Variants in RNF213 observed in about 807,000 individuals in gnomAD.
RNF213 encodes the protein E3 ubiquitin-protein ligase RNF213.
A neutral mutation model predicts 514.4 loss-of-function variants in RNF213; 341 were observed. The ratio of observed to expected loss-of-function variants is 0.66; its 90% CI spans 0.61 to 0.73. The LOEUF is 0.73. Ranked by LOEUF, RNF213 falls within the 30% of genes least tolerant of loss-of-function variation. The pLI, the probability that RNF213 is intolerant of heterozygous loss-of-function variation, is 0.00. For synonymous variants in RNF213, 2,655 were observed against 2,658.2 expected (o/e 1.00, Z 0.04); for missense variants, 5,767 against 6,615.6 (o/e 0.87, Z 4.45).
rs983186990 is a variant in RNF213, at chr17:80,394,112, A to C, written c.*614A>C. ...TCACAGTGAGCCACTGCCCCACTTC[A>C]GAGGGTAAGAGCCAAAAGCCTCATT... On this transcript the variant is annotated 3_prime_UTR_variant, in exon 68 of 68. Coordinates refer to ENST00000582970, the MANE Select transcript of RNF213 (RefSeq NM_001256071.3). 2.6e-5 allele frequency: 4 copies of C among 154,168 alleles called. No individual in the cohort carries two copies. The highest frequency in any genetic ancestry group is 9.6e-5 in the African/African-American group (4 of 41,458). The allele number at this position is 154,168 out of a possible 1,614,324, so 9.6% of individuals were successfully genotyped here.
chr17:80,313,047 T>G lies in RNF213; in HGVS notation c.2691T>G (p.Asn897Lys). Residue 897 changes from asparagine (N) to lysine (K), a missense_variant, in exon 15 of 68, where the codon AAT (asparagine) becomes AAG (lysine). Asn to Lys is a moderately conservative substitution (Grantham distance 94). Coordinates refer to ENST00000582970, the MANE Select transcript of RNF213 (RefSeq NM_001256071.3). ...GACAGAGAGATGAAACTGGAAATAA[T>G]TCAGTCCAAACAGTCTTCCAAGGGA... is the stretch of plus-strand genomic sequence containing the variant. ...SAGQRDETGNNSVQTVFQGTL... is the reference protein window; with the variant it reads ...SAGQRDETGNKSVQTVFQGTL... 6.2e-7 allele frequency: 1 copy of G among 1,613,982 alleles called. No homozygotes were observed.
intron 21 of RNF213, among the ~76,000 whole-genome samples, chr17:80,333,149 C>T (rs1438865364): frequency 2.0e-5 from 3 of 151,352 alleles, no homozygotes; most frequent in Non-Finnish European, 4.4e-5. Context: ...CCCAGGTTCA[C>T]GCCATTCTCC....
chr17:80,318,282 G>T (rs59301720), intron 16 of RNF213, among the ~76,000 whole-genome samples: 3,573 of 152,288 alleles, frequency 0.023, 131 homozygotes, highest in African/African-American at 0.082. Context: ...AGGCACACGG[G>T]GATAGAGGTT....
At chr17:80,362,607 T>C (rs2079096956) in intron 39 of RNF213, among the ~76,000 whole-genome samples, 2 of 152,228 alleles carry the variant, frequency 1.3e-5, no homozygotes, top group African/African-American at 4.8e-5. Context: ...GCTGACAGTG[T>C]AGCGTGCACA....
chr17:80,308,654 C>T (rs1473111675), intron 13 of RNF213, among the ~76,000 whole-genome samples: 1 of 152,234 alleles, frequency 6.6e-6, no homozygotes, highest in African/African-American at 2.4e-5. Flanking sequence ...TCTACTATTT[C>T]TTTCTCTTCC....
chr17:80,328,897 C>T (rs140521485), intron 20 of RNF213, among the ~76,000 whole-genome samples: 279 of 152,306 alleles, frequency 1.8e-3, no homozygotes, highest in African/African-American at 5.6e-3. Context: ...CGAAAGAAAC[C>T]GTCATCATTT....
intron 35 of RNF213, 112 bp from the exon 36 acceptor site, chr17:80,354,329 A>G (rs1242881775): frequency 1.4e-4 from 223 of 1,566,588 alleles, no homozygotes; most frequent in Non-Finnish European, 1.8e-4. Flanking sequence ...ATTTTGCTCT[A>G]GAATTGGCCT....
At chr17:80,273,492 A>G in intron 3 of RNF213, 88 bp downstream of exon 3, 1 of 1,541,254 alleles carries the variant, frequency 6.5e-7, no homozygotes, top group Non-Finnish European at 8.8e-7. Context: ...GCCCCCGAAA[A>G]TGCCACCATG....
intron 49 of RNF213, among the ~76,000 whole-genome samples, chr17:80,373,576 G>A (rs2079612498): frequency 1.3e-5 from 2 of 152,112 alleles, no homozygotes; most frequent in Non-Finnish European, 2.9e-5. Flanking sequence ...AAGGAAAGTA[G>A]AACATTCTTG....
chr17:80,278,072 G>C (rs979704422), intron 3 of RNF213, among the ~76,000 whole-genome samples: 6 of 152,222 alleles, frequency 3.9e-5, no homozygotes, highest in African/African-American at 1.4e-4. Context: ...CCTCTGGAGA[G>C]GCTACTGGGC....
chr17:80,355,228 T>C, intron 36 of RNF213: 1 of 456,034 alleles, frequency 2.2e-6, no homozygotes, highest in Non-Finnish European at 4.4e-6. Flanking sequence ...ATGAGTCCCC[T>C]TCCAGGTCCA....
At chr17:80,356,285 A>G (rs1453083914) in intron 36 of RNF213, among the ~76,000 whole-genome samples, 1 of 152,198 alleles carries the variant, frequency 6.6e-6, no homozygotes, top group Non-Finnish European at 1.5e-5. Flanking sequence ...TCCAGGCGTG[A>G]GCCAGTGTGC....
chr17:80,364,423 CTT>C lies in RNF213; in HGVS notation c.11751-7_11751-6del. The C allele has an allele frequency of 6.2e-7, 1 of 1,614,142 alleles. No individual in the cohort carries two copies. Among genetic ancestry groups the C allele is most frequent in the Non-Finnish European group, 8.5e-7 (1 of 1,180,032 alleles). ...CGAGTGAGTGAGTGAGTGGCGCCCT[CTT>C]TTGACAGAGCCCAGTGGAGTCGGAT... On this transcript the variant is annotated splice_region_variant and splice_polypyrimidine_tract_variant and intron_variant, in intron 41 of 67. Transcript: ENST00000582970.
chr17:80,393,023 G>A (rs1319693881), intron 67 of RNF213, among the ~76,000 whole-genome samples: 1 of 152,014 alleles, frequency 6.6e-6, no homozygotes, highest in East Asian at 1.9e-4. Context: ...TGTGGCCCAG[G>A]CTGGAGTGCA....
intron 3 of RNF213, among the ~76,000 whole-genome samples, chr17:80,284,077 C>T (rs953209866): frequency 1.3e-5 from 2 of 149,764 alleles, no homozygotes; most frequent in African/African-American, 2.5e-5. Context: ...ATGAAAATTA[C>T]GGCCGGGCAC....
intron 2 of RNF213, among the ~76,000 whole-genome samples, chr17:80,267,647 G>C (rs2043653552): frequency 6.6e-6 from 1 of 152,134 alleles, no homozygotes; most frequent in Admixed American, 6.5e-5. Flanking sequence ...GGAGGCTGCA[G>C]AGAAGATCTT....
rs1482050842 is a variant in RNF213, at chr17:80,345,685, G to A, written c.7350G>A (p.Lys2450=). The change falls in exon 29 of 68, where the codon AAG becomes AAA. Residue 2450 remains lysine (K), a synonymous_variant. Transcript: ENST00000582970. The surrounding 1 kb of genome is among the most constrained non-coding windows in gnomAD (Gnocchi z 6.0). ...ATGCTGACACCATAAAGCTGGTCAA[G>A]GTGCACGGAGGAACAACTGCAGACA... is the stretch of plus-strand genomic sequence containing the variant. ...GTNADTIKLV[K]VHGGTTADMI... 11 of 1,614,094 alleles carry A rather than the reference G, an allele frequency of 6.8e-6. No individual in the cohort carries two copies. The highest frequency in any genetic ancestry group is 9.3e-6 in the Non-Finnish European group (11 of 1,180,050).
intron 17 of RNF213, chr17:80,319,622 CTG>C: frequency 2.0e-6 from 3 of 1,527,530 alleles, no homozygotes; most frequent in Non-Finnish European, 2.6e-6. Flanking sequence ...CCTGTCATCA[CTG>C]TGGCTGCTGG....
intron 14 of RNF213, among the ~76,000 whole-genome samples, chr17:80,311,535 T>C (rs924221119): frequency 2.0e-5 from 3 of 152,208 alleles, no homozygotes; most frequent in African/African-American, 7.2e-5. Flanking sequence ...CAGCCCCCTC[T>C]GCGGGCTCTC....
Sources: allele counts gnomAD v4.1 joint callset (sites outside exome capture counted in the v4.1 genomes callset), GRCh38; gene constraint gnomAD v4.1.1; non-coding constraint Gnocchi (gnomAD v3.1); transcripts MANE v1.5; gene names NCBI Gene and HGNC (gene_info 2026-07-23, HGNC 2026-07-21).